The following RHPN1 variants were observed in gnomAD, a reference collection of about 807,000 sequenced individuals.
The protein encoded by RHPN1 is rhophilin Rho GTPase binding protein 1.
Under a neutral mutation model 74.7 loss-of-function variants are expected in RHPN1, and 77 were observed. That is an observed-to-expected ratio of 1.03 (90% CI 0.86 to 1.25). The LOEUF (loss-of-function observed/expected upper bound fraction) is 1.25, where lower values mean the gene tolerates loss of function less well. Among genes scored for constraint, RHPN1 ranks in the 50% most tolerant of loss-of-function variants. The pLI, the probability that RHPN1 is intolerant of heterozygous loss-of-function variation, is 0.00. For synonymous variants in RHPN1, 444 were observed against 414.5 expected (o/e 1.07, Z -0.87); for missense variants, 987 against 932.2 (o/e 1.06, Z -0.77).
chr8:143,377,161 C>T (rs1157120133), intron 3 of RHPN1, among the ~76,000 whole-genome samples: 2 of 151,436 alleles, frequency 1.3e-5, no homozygotes, highest in Non-Finnish European at 2.9e-5. Flanking sequence ...TGTGCGCGCG[C>T]ATGTGTGTGT....
chr8:143,376,425 T>C (rs559643638), intron 2 of RHPN1, 100 bp from the exon 3 acceptor site: 2 of 1,527,028 alleles, frequency 1.3e-6, no homozygotes, highest in East Asian at 2.4e-5. Context: ...CAGGGTGGGC[T>C]TGGAGCTTTG....
chr8:143,374,026 C>A, intron 1 of RHPN1: 2 of 695,194 alleles, frequency 2.9e-6, no homozygotes, highest in Non-Finnish European at 3.5e-6. Flanking sequence ...GGGGGCTGGA[C>A]GAGCAGGCCT....
At chr8:143,381,122 A>G in intron 11 of RHPN1, 146 bp from the exon 12 acceptor site, 1 of 690,234 alleles carries the variant, frequency 1.4e-6, no homozygotes, top group Admixed American at 2.8e-5. Context: ...CACCTGGGGC[A>G]GCTCCTCCCA....
intron 1 of RHPN1, among the ~76,000 whole-genome samples, chr8:143,373,838 G>T (rs565232597): frequency 1.4e-4 from 21 of 152,044 alleles, no homozygotes; most frequent in Non-Finnish European, 2.8e-4. Flanking sequence ...TTGTCACTGC[G>T]ATTAAGGACC....
rs1586838126 is a variant in RHPN1, at chr8:143,382,835, C to T, written c.*184C>T. On this transcript the variant is annotated 3_prime_UTR_variant, in exon 15 of 15. Coordinates refer to ENST00000289013, the MANE Select transcript of RHPN1 (RefSeq NM_052924.3). ...CTGAGCCCAGTGATGGGAGCTGTGG[C>T]CTCTTCACCCACACACAGAAGGATG... 1.7e-6 allele frequency: 1 copy of T among 599,208 alleles called. No individual in the cohort carries two copies. Among genetic ancestry groups the T allele is most frequent in the East Asian group, 2.8e-5 (1 of 35,972 alleles). The allele number at this position is 599,208 out of a possible 1,614,324, so 37.1% of individuals were successfully genotyped here. A position where few individuals can be genotyped will look rare whatever the true frequency, so the allele number is the denominator to read the frequency against.
rs1471114947 is a variant in RHPN1, at chr8:143,379,381, T to G, written c.818T>G (p.Leu273Arg). The change falls in exon 8 of 15, where the codon CTC (leucine) becomes CGC (arginine). Residue 273 changes from leucine (L) to arginine (R), a missense_variant. Coordinates refer to ENST00000289013, the MANE Select transcript of RHPN1 (RefSeq NM_052924.3). ...APSPDMSAAS[L>R]CALEQLMMAQ... ...AGCCCAGACATGAGCGCTGCGTCCC[T>G]CTGCGCACTGGAGCAGCTCATGATG... The G allele has an allele frequency of 6.2e-7, 1 of 1,600,646 alleles. No homozygotes were observed. Among genetic ancestry groups the G allele is most frequent in the East Asian group, 2.3e-5 (1 of 44,114 alleles).
At chr8:143,374,368 C>T (rs1018724100) in intron 1 of RHPN1, 16 of 961,564 alleles carry the variant, frequency 1.7e-5, no homozygotes, top group East Asian at 1.1e-4. Flanking sequence ...TCCTGTCTCC[C>T]GACAAGGGCG....
upstream of RHPN1, among the ~76,000 whole-genome samples, chr8:143,365,137 T>A (rs1299234470): frequency 6.6e-6 from 1 of 151,986 alleles, no homozygotes; most frequent in East Asian, 1.9e-4. Context: ...AAAGCCCACC[T>A]CTTCCACTCC....
At chr8:143,376,881 TG>T (rs1818280334) in intron 3 of RHPN1, among the ~76,000 whole-genome samples, 5 of 1,072 alleles carry the variant, frequency 4.7e-3, no homozygotes, top group African/African-American at 0.01. Context: ...TGTGTGTGCA[TG>T]TGTGTGCATG....
chr8:143,380,803 C>A lies in RHPN1; in HGVS notation c.1411+20C>A. 1 of 1,514,904 alleles carries A rather than the reference C, an allele frequency of 6.6e-7. No homozygotes were observed. Among genetic ancestry groups the A allele is most frequent in the Non-Finnish European group, 8.9e-7 (1 of 1,124,424 alleles). 93.8% of individuals were successfully genotyped at this position (1,514,904 alleles called of 1,614,324 possible). A position where few individuals can be genotyped will look rare whatever the true frequency, so the allele number is the denominator to read the frequency against. ...TCCAGCGTGAGCAGCCAGGGCCTGT[C>A]TGGGTGGCTGCATCCCTGGCCAGGG... On this transcript the variant is annotated intron_variant, in intron 11 of 14. Coordinates refer to ENST00000289013, the MANE Select transcript of RHPN1 (RefSeq NM_052924.3).
At position 143,382,488 on chromosome 8, in the gene RHPN1, G is replaced by T; in HGVS notation, c.1850G>T (p.Arg617Met). 1 of 1,603,086 alleles carries T rather than the reference G, an allele frequency of 6.2e-7. No homozygotes were observed. Among genetic ancestry groups the T allele is most frequent in the Non-Finnish European group, 8.5e-7 (1 of 1,175,736 alleles). The change falls in exon 15 of 15, where the codon AGG becomes ATG. Residue 617 changes from arginine to methionine, a missense_variant. Arg to Met is a moderately conservative substitution (Grantham distance 91). Coordinates refer to ENST00000289013, the MANE Select transcript of RHPN1 (RefSeq NM_052924.3). ...LGPRGLLRSQREHGCKTPAST... is the reference protein window; with the variant it reads ...LGPRGLLRSQMEHGCKTPAST... ...CCCAGGGGGCTTCTAAGGAGCCAGA[G>T]GGAGCATGGTTGCAAGACCCCGGCA...
At chr8:143,375,310 G>A (rs755345918) in intron 1 of RHPN1, among the ~76,000 whole-genome samples, 94 of 152,294 alleles carry the variant, frequency 6.2e-4, no homozygotes, top group Middle Eastern at 6.8e-3. Context: ...CCCCCATCAC[G>A]AGTCAGCAGC....
At position 143,381,985 on chromosome 8, in the gene RHPN1, C is replaced by A. The variant is rs775396610; in HGVS notation, c.1797+17C>A. The A allele has an allele frequency of 6.4e-7, 1 of 1,559,552 alleles. No homozygotes were observed. Among genetic ancestry groups the A allele is most frequent in the East Asian group, 2.3e-5 (1 of 44,288 alleles). ...CCCAGCTTGGTGAGCCCCTGGGGCC[C>A]CAGAGGGGCGGTCCCCAGCTTGCTG... On this transcript the variant is annotated intron_variant, in intron 14 of 14. Transcript: ENST00000289013.
chr8:143,380,726 G>T lies in RHPN1; in HGVS notation c.1354G>T (p.Ala452Ser). ...GCTGCAGCGCTCACTGGCCAAGTATGCGGAGCTCGACCGTGAGGATGACTT... is the reference window on the plus strand; with the variant it reads ...GCTGCAGCGCTCACTGGCCAAGTATTCGGAGCTCGACCGTGAGGATGACTT... ...QTLQRSLAKY[A>S]ELDREDDFCE... is the part of the protein sequence containing the mutation. The change falls in exon 11 of 15, where the codon GCG becomes TCG. Residue 452 changes from alanine to serine, a missense_variant. By Grantham distance (99) the Ala-to-Ser change is moderately conservative. Coordinates refer to ENST00000289013, the MANE Select transcript of RHPN1 (RefSeq NM_052924.3). 1.3e-6 allele frequency: 2 copies of T among 1,595,728 alleles called. No homozygotes were observed. The highest frequency in any genetic ancestry group is 1.3e-5 in the African/African-American group (1 of 74,732).
At chr8:143,378,890 C>G (rs757789207) in intron 6 of RHPN1, 22 bp from the exon 7 acceptor site, 1 of 1,581,062 alleles carries the variant, frequency 6.3e-7, no homozygotes, top group South Asian at 1.2e-5. Context: ...GGAACTCCAC[C>G]CAGCCTGACC....
At chr8:143,373,930 G>A (rs551699749) in intron 1 of RHPN1, among the ~76,000 whole-genome samples, 6 of 152,236 alleles carry the variant, frequency 3.9e-5, no homozygotes, top group Non-Finnish European at 8.8e-5. Context: ...ACAGGTACTG[G>A]GAGTCAGGAC....
chr8:143,378,884 C>G (rs897948734), intron 6 of RHPN1, 28 bp from the exon 7 acceptor site: 1 of 1,579,546 alleles, frequency 6.3e-7, no homozygotes. Flanking sequence ...ACCGTGGGAA[C>G]TCCACCCAGC....
upstream of RHPN1, among the ~76,000 whole-genome samples, chr8:143,364,412 G>A (rs1322424374): frequency 2.1e-5 from 3 of 146,314 alleles, no homozygotes; most frequent in Non-Finnish European, 4.5e-5. This position sits in a 1 kb window ranked among gnomAD's most constrained non-coding sequence, Gnocchi z 4.5. Context: ...CTCAGCGGCC[G>A]GGAGGGACAT....
intron 3 of RHPN1, among the ~76,000 whole-genome samples, chr8:143,376,976 G>A (rs968821916): frequency 1.3e-5 from 2 of 151,568 alleles, no homozygotes; most frequent in African/African-American, 4.9e-5. Flanking sequence ...GTGTCTGCGT[G>A]CGTGTGCATG....
Sources: gnomAD v4.1 joint callset for allele counts (sites outside exome capture counted in the v4.1 genomes callset) on GRCh38, gnomAD v4.1.1 for gene constraint, Gnocchi (gnomAD v3.1) non-coding constraint, MANE v1.5 for transcripts, NCBI Gene and HGNC (gene_info 2026-07-23, HGNC 2026-07-21) for gene names.